Variants in FRMD6 observed in about 807,000 individuals in gnomAD.
The protein encoded by FRMD6 is FERM domain containing 6, also known as FERM domain-containing protein 6.
Under a neutral mutation model 73.2 loss-of-function variants are expected in FRMD6, and 37 were observed. That is an observed-to-expected ratio of 0.51 (90% CI 0.39 to 0.66). The LOEUF is 0.66. Ranked by LOEUF, FRMD6 falls within the 30% of genes least tolerant of loss-of-function variation. The probability of loss-of-function intolerance (pLI) is 0.00; values close to 1 mark genes in which losing one functional copy is unlikely to be tolerated. For synonymous variants in FRMD6, 273 were observed against 282.2 expected (o/e 0.97, Z 0.33); for missense variants, 714 against 780.5 (o/e 0.91, Z 1.02).
intron 2 of FRMD6, 58 bp downstream of exon 2, chr14:51,689,993 T>C (rs968997218): frequency 8.4e-6 from 9 of 1,072,838 alleles, no homozygotes; most frequent in Non-Finnish European, 1.3e-5. Flanking sequence ...GTGGCCACAT[T>C]CAACTTATGA....
At chr14:51,454,884 A>G in the FRMD6 span, 1 of 152,192 alleles carries the variant, frequency 6.6e-6, no homozygotes, top group African/African-American at 2.4e-5. Flanking sequence ...ATGTCAGAGG[A>G]TCTAATGGCA....
rs537108449 is a variant in FRMD6, at chr14:51,668,405, C to G, written c.-147+16409C>G. On this transcript the variant is annotated intron_variant, in intron 1 of 13. Transcript: ENST00000344768. ...CACTGCAACCTCCGCCTCCTGGGTT[C>G]AAGTGATTCTCCTGCCTCAGCTTCT... Among the ~76,000 whole-genome samples, 106 of 152,216 alleles carry G rather than the reference C, an allele frequency of 7.0e-4. 1 individual carries two copies. In the South Asian group the frequency reaches 0.021, roughly 30 times the overall value.
chr14:51,419,552 C>A, the FRMD6 span, among the ~76,000 whole-genome samples: 2 of 152,172 alleles, frequency 1.3e-5, no homozygotes, highest in African/African-American at 4.8e-5. Context: ...CCTCTTGTAA[C>A]AATCTTCTTT....
intron 1 of FRMD6, among the ~76,000 whole-genome samples, chr14:51,516,962 G>A (rs189192980): frequency 1.3e-5 from 2 of 152,116 alleles, no homozygotes; most frequent in African/African-American, 4.8e-5. Flanking sequence ...ACTTTGTCAA[G>A]ATGGCTGTCA....
intron 2 of FRMD6, among the ~76,000 whole-genome samples, chr14:51,695,544 A>G (rs1301698298): frequency 2.0e-5 from 3 of 152,166 alleles, no homozygotes. Flanking sequence ...GCTGAATGGC[A>G]TATTTATAAA....
intron 2 of FRMD6, among the ~76,000 whole-genome samples, chr14:51,605,139 C>CTTTTTTTTTTT (rs11389733): frequency 4.2e-5 from 5 of 119,576 alleles, no homozygotes; most frequent in Admixed American, 9.0e-5. Flanking sequence ...CTGCAGGTTT[C>CTTTTTTTTTTT]TTTTTTTTTT....
chr14:51,487,002 C>T (rs192784658), upstream of FRMD6, among the ~76,000 whole-genome samples: 60 of 150,310 alleles, frequency 4.0e-4, no homozygotes, highest in Admixed American at 3.3e-3. Flanking sequence ...ATGAGCATTA[C>T]CTGGGAACTT....
At chr14:51,726,721 G>A (rs777947391) in intron 13 of FRMD6, among the ~76,000 whole-genome samples, 110 of 152,194 alleles carry the variant, frequency 7.2e-4, no homozygotes, top group Non-Finnish European at 8.4e-4. Context: ...AACTTTGTGT[G>A]CCTTCCTTGA....
intron 12 of FRMD6, among the ~76,000 whole-genome samples, chr14:51,723,488 A>G (rs1897745002): frequency 6.6e-6 from 1 of 152,186 alleles, no homozygotes. Flanking sequence ...TAATTAAAGA[A>G]TGAGTGGTAA....
rs571132082 is a variant in FRMD6, at chr14:51,522,492, C to A, written c.-210+33072C>A. On this transcript the variant is annotated intron_variant, in intron 1 of 14. Transcript: ENST00000356218. Reference sequence around the variant, plus strand: ...GTCTACCATATTGCTATTATAAAACCCTGTAGCACCATGTTTTGGTAGGGG... The same window carrying A: ...GTCTACCATATTGCTATTATAAAACACTGTAGCACCATGTTTTGGTAGGGG... 1.2e-3 allele frequency among the ~76,000 whole-genome samples: 179 copies of A among 152,082 alleles called. 2 individuals carry two copies. The highest frequency in any genetic ancestry group is 4.2e-3 in the African/African-American group (173 of 41,486).
chr14:51,590,922 C>T (rs1004258289), intron 2 of FRMD6, among the ~76,000 whole-genome samples: 3 of 152,206 alleles, frequency 2.0e-5, no homozygotes, highest in African/African-American at 4.8e-5. Context: ...ATATATACCT[C>T]GCAGTCCCCT....
intron 1 of FRMD6, among the ~76,000 whole-genome samples, chr14:51,507,103 C>T (rs1418574146): frequency 8.2e-6 from 1 of 122,010 alleles, no homozygotes; most frequent in Non-Finnish European, 1.7e-5. Context: ...CACACACACA[C>T]ACACACACAC....
intron 2 of FRMD6, among the ~76,000 whole-genome samples, chr14:51,574,808 A>G (rs1412716771): frequency 6.6e-6 from 1 of 152,224 alleles, no homozygotes; most frequent in African/African-American, 2.4e-5. Context: ...ATACTTTAAA[A>G]TAACTAAAAG....
chr14:51,706,126 A>G (rs1896611601), intron 6 of FRMD6, among the ~76,000 whole-genome samples: 1 of 152,112 alleles, frequency 6.6e-6, no homozygotes, highest in Non-Finnish European at 1.5e-5. Flanking sequence ...ACTCTGCCTT[A>G]TCACCATTCC....
At chr14:51,707,090 A>G (rs1341116305) in intron 6 of FRMD6, among the ~76,000 whole-genome samples, 1 of 152,070 alleles carries the variant, frequency 6.6e-6, no homozygotes, top group Non-Finnish European at 1.5e-5. Context: ...GCCCTTACAA[A>G]TACTGTTTTC....
the FRMD6 span, among the ~76,000 whole-genome samples, chr14:51,452,149 G>C: frequency 6.6e-6 from 1 of 152,232 alleles, no homozygotes; most frequent in Non-Finnish European, 1.5e-5. Flanking sequence ...ACTGGCAAGA[G>C]ATGATCAGAG....
At chr14:51,672,661 A>AT (rs1030392834) in intron 1 of FRMD6, among the ~76,000 whole-genome samples, 8 of 151,992 alleles carry the variant, frequency 5.3e-5, no homozygotes, top group African/African-American at 1.2e-4. Context: ...TTTTAATTCC[A>AT]TTTTTTCCAT....
intron 1 of FRMD6, among the ~76,000 whole-genome samples, chr14:51,682,653 T>C (rs979167812): frequency 1.3e-5 from 2 of 152,342 alleles, no homozygotes; most frequent in African/African-American, 4.8e-5. Context: ...TCCTCTGTGA[T>C]GATGTCCTTC....
At chr14:51,718,322 T>C (rs1308183154) in intron 10 of FRMD6, among the ~76,000 whole-genome samples, 1 of 152,188 alleles carries the variant, frequency 6.6e-6, no homozygotes, top group Admixed American at 6.5e-5. Context: ...TACTAGTGAA[T>C]ATAGAGGAAC....
Sources: allele counts gnomAD v4.1 joint callset (sites outside exome capture counted in the v4.1 genomes callset), GRCh38; gene constraint gnomAD v4.1.1; transcripts MANE v1.5; gene names NCBI Gene and HGNC (gene_info 2026-07-23, HGNC 2026-07-21).